The following SNX29 variants were observed in gnomAD, a reference collection of about 807,000 sequenced individuals.
The protein encoded by SNX29 is sorting nexin-29.
In SNX29, 78 loss-of-function variants were observed where a neutral mutation model predicts 102.1. That is an observed-to-expected ratio of 0.76 (90% confidence interval 0.64 to 0.92). SNX29 has a LOEUF of 0.92. SNX29 is among the 40% of genes least tolerant of loss of function. SNX29 has a pLI of 0.00. For missense variants in SNX29, 1,280 were observed against 1,061.7 expected (o/e 1.21, Z -2.86); for synonymous variants, 580 against 414.5 (o/e 1.40, Z -4.85).
At position 12,213,780 on chromosome 16, in the gene SNX29, C is replaced by G. The variant is rs189354559; in HGVS notation, c.1678+14097C>G. ...CAGTTTCCCGACCTTTAAGTAAACC[C>G]TGAACAGGTAAGCCCCAGTACCCAG... On this transcript the variant is annotated intron_variant, in intron 14 of 20. Transcript: ENST00000566228. Among the ~76,000 whole-genome samples the G allele has an allele frequency of 3.6e-3, 548 of 151,432 alleles. 3 individuals are homozygous for G. Among genetic ancestry groups the G allele is most frequent in the African/African-American group, 0.013 (527 of 40,720 alleles).
intron 20 of SNX29, chr16:12,527,234 G>A (rs1221971654): frequency 1.9e-6 from 1 of 533,946 alleles, no homozygotes; most frequent in South Asian, 1.5e-5. Context: ...ATCAGCCACA[G>A]CCAAGCCTTA....
At chr16:12,564,544 C>T (rs72775229) in intron 20 of SNX29, among the ~76,000 whole-genome samples, 1 of 152,080 alleles carries the variant, frequency 6.6e-6, no homozygotes, top group Non-Finnish European at 1.5e-5. Context: ...GAGTTAAGGC[C>T]TTTGGCAACC....
At chr16:12,003,123 C>T (rs2056346620) in intron 3 of SNX29, 80 bp downstream of exon 3, 2 of 1,573,402 alleles carry the variant, frequency 1.3e-6, no homozygotes, top group East Asian at 4.5e-5. Context: ...AAACCGTTGA[C>T]CATCGAGGTT....
intron 19 of SNX29, among the ~76,000 whole-genome samples, chr16:12,511,785 C>G (rs557278540): frequency 6.6e-6 from 1 of 152,224 alleles, no homozygotes; most frequent in East Asian, 1.9e-4. Flanking sequence ...TCCCCCGCAA[C>G]TTTAGAGTAA....
intron 15 of SNX29, among the ~76,000 whole-genome samples, chr16:12,332,397 C>T (rs564416329): frequency 6.6e-6 from 1 of 152,308 alleles, no homozygotes; most frequent in Admixed American, 6.5e-5. Flanking sequence ...AGCTGGGTTG[C>T]TCATTTGCTA....
At chr16:12,413,585 G>C (rs56218252) in intron 18 of SNX29, among the ~76,000 whole-genome samples, 4 of 151,508 alleles carry the variant, frequency 2.6e-5, no homozygotes, top group African/African-American at 9.7e-5. Context: ...CAGGGCCCTC[G>C]AGACAATGGC....
chr16:12,226,490 T>A (rs1349268679), intron 14 of SNX29, among the ~76,000 whole-genome samples: 2 of 151,728 alleles, frequency 1.3e-5, no homozygotes, highest in Non-Finnish European at 1.5e-5. Context: ...GCTGAAGGGG[T>A]CTGCATGGAG....
chr16:12,161,119 A>G (rs750745119), intron 13 of SNX29, among the ~76,000 whole-genome samples: 3 of 152,152 alleles, frequency 2.0e-5, no homozygotes, highest in Non-Finnish European at 4.4e-5. Context: ...TCCCGCAATG[A>G]TTTCCAGTGT....
intron 3 of SNX29, among the ~76,000 whole-genome samples, chr16:12,008,547 G>A (rs2056536023): frequency 2.0e-5 from 3 of 152,146 alleles, no homozygotes. Context: ...GGGATTACAG[G>A]CATGAGCCAC....
chr16:12,542,905 G>C (rs2077407452), intron 20 of SNX29, among the ~76,000 whole-genome samples: 1 of 152,066 alleles, frequency 6.6e-6, no homozygotes, highest in South Asian at 2.1e-4. Flanking sequence ...ATTTGAGTAG[G>C]GAATCTTTGC....
intron 1 of SNX29, among the ~76,000 whole-genome samples, chr16:11,982,957 T>G (rs556148623): frequency 3.3e-5 from 5 of 152,014 alleles, no homozygotes; most frequent in Admixed American, 3.3e-4. Context: ...TTGAGACAGA[T>G]TCTCACTGTG....
chr16:12,510,466 A>T (rs1050077109), intron 19 of SNX29, among the ~76,000 whole-genome samples: 1 of 152,112 alleles, frequency 6.6e-6, no homozygotes, highest in Non-Finnish European at 1.5e-5. Context: ...TTGAGGTCAG[A>T]GTTCGAGACC....
At chr16:12,018,037 C>G (rs1415731456) in intron 3 of SNX29, among the ~76,000 whole-genome samples, 1 of 152,114 alleles carries the variant, frequency 6.6e-6, no homozygotes, top group African/African-American at 2.4e-5. Context: ...TCCCAGGTAG[C>G]TGGGATTACA....
At chr16:12,203,244 A>G (rs938607506) in intron 14 of SNX29, among the ~76,000 whole-genome samples, 3 of 144,690 alleles carry the variant, frequency 2.1e-5, no homozygotes, top group African/African-American at 7.8e-5. Flanking sequence ...GACTGGTGGT[A>G]TTGGAGGTGA....
At chr16:12,150,937 A>G (rs1007388096) in intron 13 of SNX29, among the ~76,000 whole-genome samples, 10 of 152,220 alleles carry the variant, frequency 6.6e-5, no homozygotes, top group African/African-American at 1.9e-4. Flanking sequence ...GTTCATGGTT[A>G]CTGGGGATGT....
chr16:12,535,844 C>T (rs537232146), intron 20 of SNX29, among the ~76,000 whole-genome samples: 13 of 152,280 alleles, frequency 8.5e-5, no homozygotes, highest in African/African-American at 2.4e-4. Context: ...GTGCTTAGAT[C>T]GGCCATGGGA....
chr16:12,123,440 ATC>A (rs2054063436), intron 11 of SNX29, among the ~76,000 whole-genome samples: 1 of 152,154 alleles, frequency 6.6e-6, no homozygotes, highest in Admixed American at 6.5e-5. Context: ...AACATCACCC[ATC>A]TCTCTCACAT....
intron 13 of SNX29, among the ~76,000 whole-genome samples, chr16:12,165,628 T>C (rs1015687280): frequency 1.3e-5 from 2 of 152,248 alleles, no homozygotes; most frequent in African/African-American, 4.8e-5. Flanking sequence ...TGTTGCAATC[T>C]TGGCCCACTG....
chr16:12,555,338 A>C (rs1027517866), intron 20 of SNX29, among the ~76,000 whole-genome samples: 3 of 151,734 alleles, frequency 2.0e-5, no homozygotes, highest in African/African-American at 7.3e-5. Flanking sequence ...TTGGCACCTG[A>C]GAAACATGTT....
Sources: allele counts gnomAD v4.1 joint callset (sites outside exome capture counted in the v4.1 genomes callset), GRCh38; gene constraint gnomAD v4.1.1; transcripts MANE v1.5; gene names NCBI Gene and HGNC (gene_info 2026-07-23, HGNC 2026-07-21).